The following CTNNA1 variants were observed in gnomAD, a reference collection of about 807,000 sequenced individuals.
The protein encoded by CTNNA1 is catenin alpha 1.
In CTNNA1, 37 loss-of-function variants were observed where a neutral mutation model predicts 98.4. The observed-to-expected ratio is 0.38, with a 90% CI of 0.29 to 0.49. The LOEUF (loss-of-function observed/expected upper bound fraction) is 0.49, where lower values mean the gene tolerates loss of function less well. CTNNA1 is among the 20% of genes least tolerant of loss of function. The pLI, the probability that CTNNA1 is intolerant of heterozygous loss-of-function variation, is 0.95. For missense variants in CTNNA1, 761 were observed against 1,147.2 expected (o/e 0.66, Z 4.86); for synonymous variants, 404 against 413.2 (o/e 0.98, Z 0.27).
intron 1 of CTNNA1, among the ~76,000 whole-genome samples, chr5:138,764,694 C>A (rs1229140063): frequency 3.3e-5 from 5 of 151,760 alleles, no homozygotes; most frequent in Non-Finnish European, 5.9e-5. Flanking sequence ...TGGTCTCGAA[C>A]TCCTGACCTC....
chr5:138,902,361 A>G (rs1289616772), intron 9 of CTNNA1, among the ~76,000 whole-genome samples: 1 of 152,234 alleles, frequency 6.6e-6, no homozygotes, highest in East Asian at 1.9e-4. Flanking sequence ...CCAGCATTCA[A>G]GTGGCCTCCT....
At chr5:138,799,999 C>T (rs889295622) in intron 3 of CTNNA1, among the ~76,000 whole-genome samples, 1 of 152,020 alleles carries the variant, frequency 6.6e-6, no homozygotes, top group Admixed American at 6.6e-5. Context: ...TGGGTTCAAT[C>T]GATTCTCGTG....
At chr5:138,853,495 TAAA>T (rs35324398) in intron 7 of CTNNA1, among the ~76,000 whole-genome samples, 1,810 of 145,156 alleles carry the variant, frequency 0.012, 20 homozygotes, top group Non-Finnish European at 0.021. Flanking sequence ...AGTATATACT[TAAA>T]AAAAAAAAAA....
At chr5:138,779,317 T>C (rs553911153) in intron 1 of CTNNA1, among the ~76,000 whole-genome samples, 37 of 152,200 alleles carry the variant, frequency 2.4e-4, no homozygotes, top group South Asian at 1.7e-3. Flanking sequence ...ACCCTTTCTT[T>C]TGAGGATCCC....
chr5:138,905,144 G>A (rs1195549608), intron 10 of CTNNA1, among the ~76,000 whole-genome samples: 1 of 129,758 alleles, frequency 7.7e-6, no homozygotes, highest in Non-Finnish European at 1.7e-5. Flanking sequence ...ACAAAAATTA[G>A]CCCAACATGA....
At chr5:138,878,329 T>G (rs1462023047) in intron 7 of CTNNA1, among the ~76,000 whole-genome samples, 1 of 152,208 alleles carries the variant, frequency 6.6e-6, no homozygotes, top group African/African-American at 2.4e-5. Flanking sequence ...GATGGAATTG[T>G]GTATCATTTT....
intron 5 of CTNNA1, among the ~76,000 whole-genome samples, chr5:138,822,496 A>G (rs376915814): frequency 1.5e-4 from 23 of 152,348 alleles, no homozygotes; most frequent in African/African-American, 5.5e-4. Context: ...ATAAAACGGT[A>G]GACAATTTAA....
At chr5:138,761,459 A>T (rs935094373) in intron 1 of CTNNA1, among the ~76,000 whole-genome samples, 3 of 151,486 alleles carry the variant, frequency 2.0e-5, no homozygotes, top group Non-Finnish European at 4.4e-5. Context: ...CTGGTTTTGA[A>T]CTCCTGACCT....
Position 138,925,424 on chromosome 5 carries a change from C to T in CTNNA1, c.1899+17C>T. 1 of 1,611,764 alleles carries T rather than the reference C, an allele frequency of 6.2e-7. No homozygotes were observed. Among genetic ancestry groups the T allele is most frequent in the Non-Finnish European group, 8.5e-7 (1 of 1,178,868 alleles). On this transcript the variant is annotated intron_variant, in intron 13 of 17. Coordinates refer to ENST00000302763, the MANE Select transcript of CTNNA1 (RefSeq NM_001903.5). Reference sequence around the variant, plus strand: ...ATGATAAGGGTGAGTAACTGCATTTCAGACGTCTTAACAGCTTCTTTCTTA... The same window carrying T: ...ATGATAAGGGTGAGTAACTGCATTTTAGACGTCTTAACAGCTTCTTTCTTA...
Position 138,906,123 on chromosome 5 carries a change from T to C in CTNNA1, c.1389+1682T>C, listed in dbSNP as rs137935606. Among the ~76,000 whole-genome samples, 159 of 152,274 alleles carry C rather than the reference T, an allele frequency of 1.0e-3. 1 individual carries two copies. Among genetic ancestry groups the C allele is most frequent in the African/African-American group, 3.6e-3 (148 of 41,556 alleles). On this transcript the variant is annotated intron_variant, in intron 10 of 17. Transcript: ENST00000302763. ...CTGTCATTCTCATTGCTACATAGGT[T>C]AGTAGGGCATTTGTTCTAACACCTA...
rs186798735 is a variant in CTNNA1 at position 138,896,736 on chromosome 5, A to G, written c.1297-7613A>G. Reference sequence around the variant, plus strand: ...TAACATGGCCTTTCAAGGCCATGGTAAGGATAACACCTTTTATACTCACCC... The same window carrying G: ...TAACATGGCCTTTCAAGGCCATGGTGAGGATAACACCTTTTATACTCACCC... On this transcript the variant is annotated intron_variant, in intron 9 of 17. Coordinates refer to ENST00000302763, the MANE Select transcript of CTNNA1 (RefSeq NM_001903.5). Among the ~76,000 whole-genome samples, 589 of 152,350 alleles carry G rather than the reference A, an allele frequency of 3.9e-3. 3 individuals are homozygous for G. Among genetic ancestry groups the G allele is most frequent in the African/African-American group, 0.013 (558 of 41,580 alleles).
chr5:138,753,762 G>T (rs1168251905), intron 1 of CTNNA1: 2 of 291,148 alleles, frequency 6.9e-6, no homozygotes, highest in African/African-American at 4.4e-5. Context: ...CCAGCGCTCG[G>T]GAAGTCGGGG....
intron 11 of CTNNA1, among the ~76,000 whole-genome samples, chr5:138,923,587 C>T (rs983408336): frequency 2.6e-5 from 4 of 152,078 alleles, no homozygotes; most frequent in African/African-American, 7.2e-5. Context: ...TGCAGTGGCG[C>T]GATCTTGGCT....
At chr5:138,853,495 T>TAAA (rs35324398) in intron 7 of CTNNA1, among the ~76,000 whole-genome samples, 1 of 145,162 alleles carries the variant, frequency 6.9e-6, no homozygotes, top group South Asian at 2.2e-4. Flanking sequence ...AGTATATACT[T>TAAA]AAAAAAAAAA....
chr5:138,785,252 G>T (rs939855369), intron 3 of CTNNA1, among the ~76,000 whole-genome samples: 29 of 151,282 alleles, frequency 1.9e-4, no homozygotes, highest in Non-Finnish European at 3.2e-4. Context: ...TAGTAGAGAC[G>T]GGGTTTCACT....
At chr5:138,847,116 C>A (rs940293158) in intron 7 of CTNNA1, among the ~76,000 whole-genome samples, 1 of 151,746 alleles carries the variant, frequency 6.6e-6, no homozygotes, top group African/African-American at 2.4e-5. Flanking sequence ...GAAGGAATTG[C>A]AAAAAAAGAT....
intron 10 of CTNNA1, among the ~76,000 whole-genome samples, chr5:138,910,294 T>G (rs951095797): frequency 6.7e-6 from 1 of 148,334 alleles, no homozygotes; most frequent in Non-Finnish European, 1.5e-5. Context: ...CTTTGTATGT[T>G]TGGGAGAATT....
At chr5:138,803,184 G>T (rs1219311323) in intron 3 of CTNNA1, among the ~76,000 whole-genome samples, 3 of 150,762 alleles carry the variant, frequency 2.0e-5, no homozygotes, top group African/African-American at 7.3e-5. Context: ...GGGAGATGGG[G>T]TCTGTCACCC....
At chr5:138,909,917 C>T (rs1760172798) in intron 10 of CTNNA1, among the ~76,000 whole-genome samples, 2 of 152,228 alleles carry the variant, frequency 1.3e-5, no homozygotes. Flanking sequence ...CTTCAGCTGT[C>T]ACTTAACCTA....
Sources: gnomAD v4.1 joint callset for allele counts (sites outside exome capture counted in the v4.1 genomes callset) on GRCh38, gnomAD v4.1.1 for gene constraint, MANE v1.5 for transcripts, NCBI Gene and HGNC (gene_info 2026-07-23, HGNC 2026-07-21) for gene names.